The following MRE11 variants were observed in gnomAD, a reference collection of about 807,000 sequenced individuals.
MRE11 encodes the protein double-strand break repair protein MRE11.
MRE11 carries 62 observed loss-of-function variants against 91.7 expected under a neutral mutation model. The observed-to-expected ratio is 0.68, with a 90% CI of 0.55 to 0.84. The LOEUF (loss-of-function observed/expected upper bound fraction) is 0.84. Ranked by LOEUF, MRE11 falls within the 40% of genes least tolerant of loss-of-function variation. MRE11 has a pLI of 0.00. For synonymous variants in MRE11, 273 were observed against 271.4 expected (o/e 1.01, Z -0.06); for missense variants, 796 against 852.9 (o/e 0.93, Z 0.83).
In MRE11 at chr11:94,470,653, G is replaced by A. The variant is rs368089798; in HGVS notation, c.846-11C>T. The A allele has an allele frequency of 1.2e-6, 2 of 1,612,408 alleles. No individual in the cohort carries two copies. Among genetic ancestry groups the A allele is most frequent in the African/African-American group, 2.7e-5 (2 of 74,818 alleles). On this transcript the variant is annotated splice_polypyrimidine_tract_variant and intron_variant, in intron 8 of 19. Coordinates refer to ENST00000323929, the MANE Select transcript of MRE11 (RefSeq NM_005591.4). Reference sequence around the variant, plus strand: ...AGCAAACCAACATGTCTGAAGTGGAGAGAAATGAACACCGAGTCACAGTGT... The same window carrying A: ...AGCAAACCAACATGTCTGAAGTGGAAAGAAATGAACACCGAGTCACAGTGT...
chr11:94,441,977 C>CAAAAAAAA lies in MRE11; in HGVS notation c.1867+3825_1867+3832dup, dbSNP rs35673778. Among the ~76,000 whole-genome samples the CAAAAAAAA allele has an allele frequency of 3.7e-3, 178 of 48,194 alleles. 3 individuals carry two copies. Among genetic ancestry groups the CAAAAAAAA allele is most frequent in the African/African-American group, 5.7e-3 (74 of 12,910 alleles). The allele number at this position is 48,194 out of a possible 152,430, so 31.6% of individuals were successfully genotyped here. On this transcript the variant is annotated intron_variant, in intron 16 of 19. Coordinates refer to ENST00000323929, the MANE Select transcript of MRE11 (RefSeq NM_005591.4). ...TAGGCGACAGAGAGAGACTCTGTCT[C>CAAAAAAAA]AAAAAAAAAAAAAAAAAAAAAAAGT...
At chr11:94,443,971 G>T (rs573225018) in intron 16 of MRE11, among the ~76,000 whole-genome samples, 71 of 137,958 alleles carry the variant, frequency 5.1e-4, no homozygotes, top group African/African-American at 1.9e-3. Context: ...TCAGTGGCAT[G>T]ATCTCGGCTC....
chr11:94,460,585 C>CA (rs1946389037), intron 12 of MRE11, among the ~76,000 whole-genome samples: 1 of 152,172 alleles, frequency 6.6e-6, no homozygotes, highest in Admixed American at 6.5e-5. Context: ...GCAGCAACTA[C>CA]AAATGAATGT....
At position 94,419,549 on chromosome 11, in the gene MRE11, A is replaced by C. The variant is rs971585321; in HGVS notation, c.*576T>G. On this transcript the variant is annotated 3_prime_UTR_variant, in exon 20 of 20. Transcript: ENST00000323929. ...GAAATTACTACCACTTAATGGGAAC[A>C]CAATCTTTTGAAATCTTTGCTACAA... 2.1e-5 allele frequency: 5 copies of C among 232,940 alleles called. No homozygotes were observed. Among genetic ancestry groups the C allele is most frequent in the Non-Finnish European group, 3.4e-5 (4 of 118,132 alleles). The allele number at this position is 232,940 out of a possible 1,614,324, so 14.4% of individuals were successfully genotyped here.
chr11:94,463,114 G>C (rs934835981), intron 11 of MRE11, among the ~76,000 whole-genome samples: 2 of 152,168 alleles, frequency 1.3e-5, no homozygotes, highest in Admixed American at 6.5e-5. Flanking sequence ...TCAAAAAGTG[G>C]GTGAAGGATA....
At chr11:94,435,687 G>A (rs1009152745) in intron 18 of MRE11, 145 bp downstream of exon 18, 3 of 685,220 alleles carry the variant, frequency 4.4e-6, no homozygotes, top group African/African-American at 1.8e-5. Flanking sequence ...CTAGCCCTTG[G>A]TCTGTTTTCA....
rs1591620971 is a variant in MRE11, at chr11:94,420,093, A to G, written c.*32T>C. 6.7e-7 allele frequency: 1 copy of G among 1,497,056 alleles called. No homozygotes were observed. Among genetic ancestry groups the G allele is most frequent in the Non-Finnish European group, 9.3e-7 (1 of 1,079,470 alleles). The allele number at this position is 1,497,056 out of a possible 1,614,324, so 92.7% of individuals were successfully genotyped here. A position where few individuals can be genotyped will look rare whatever the true frequency, so the allele number is the denominator to read the frequency against. The stretch of plus-strand genomic sequence containing the variant: ...CTTGTAACATTTTCATTTTTCCTGT[A>G]TCTTGCATGTTTCTCAGTGCCATTA... On this transcript the variant is annotated 3_prime_UTR_variant, in exon 20 of 20. Coordinates refer to ENST00000323929, the MANE Select transcript of MRE11 (RefSeq NM_005591.4).
intron 3 of MRE11, among the ~76,000 whole-genome samples, chr11:94,487,736 C>T (rs1565240086): frequency 3.3e-5 from 5 of 152,096 alleles, no homozygotes; most frequent in African/African-American, 1.2e-4. Flanking sequence ...GGAAAAAAAT[C>T]GTGTGTATTT....
At chr11:94,476,235 C>T in intron 7 of MRE11, 54 bp downstream of exon 7, 1 of 1,140,066 alleles carries the variant, frequency 8.8e-7, no homozygotes, top group Non-Finnish European at 1.3e-6. Flanking sequence ...AGCTCAGAAA[C>T]AGATTTGGGA....
chr11:94,493,266 G>A (rs1947340893), intron 1 of MRE11, among the ~76,000 whole-genome samples: 2 of 152,096 alleles, frequency 1.3e-5, no homozygotes, highest in African/African-American at 4.8e-5. Flanking sequence ...GCACGCATAG[G>A]TTACTCTGGA....
upstream of MRE11, chr11:94,497,582 T>C (rs1947433392): frequency 6.4e-6 from 1 of 156,398 alleles, no homozygotes; most frequent in Non-Finnish European, 1.4e-5. Context: ...TCTAAGGTTG[T>C]ATTGAGAAGG....
intron 16 of MRE11, among the ~76,000 whole-genome samples, chr11:94,443,719 T>C (rs1945848776): frequency 6.6e-6 from 1 of 152,142 alleles, no homozygotes; most frequent in South Asian, 2.1e-4. Context: ...TGCATGTGAG[T>C]ACTTATTTAA....
upstream of MRE11, chr11:94,498,352 T>C: frequency 1.2e-6 from 2 of 1,613,596 alleles, no homozygotes; most frequent in Non-Finnish European, 1.7e-6. Context: ...CCTTGCATCT[T>C]GCTGCTGGGA....
chr11:94,424,875 T>G (rs1162444186), intron 19 of MRE11, among the ~76,000 whole-genome samples: 1 of 151,900 alleles, frequency 6.6e-6, no homozygotes, highest in Non-Finnish European at 1.5e-5. Flanking sequence ...AACCTATGAC[T>G]CATTGGCATT....
At chr11:94,474,834 A>G (rs1426183593) in intron 7 of MRE11, among the ~76,000 whole-genome samples, 1 of 152,146 alleles carries the variant, frequency 6.6e-6, no homozygotes, top group African/African-American at 2.4e-5. Flanking sequence ...TCTTAGAATT[A>G]CTTATGAGTT....
intron 11 of MRE11, 151 bp from the exon 12 acceptor site, chr11:94,461,187 T>G: frequency 1.6e-6 from 1 of 643,244 alleles, no homozygotes; most frequent in East Asian, 2.7e-5. Flanking sequence ...AACAAGCCAT[T>G]TTTGTTAATA....
At position 94,471,601 on chromosome 11, in the gene MRE11, G is replaced by A. The variant is rs143400546; in HGVS notation, c.818C>T (p.Ser273Phe). Reference sequence around the variant, plus strand: ...CTTTACAGCTTCTCCTGGGGAAAGAGAAGTAACCACTGAGCTTCCAGGTTG... The same window carrying A: ...CTTTACAGCTTCTCCTGGGGAAAGAAAAGTAACCACTGAGCTTCCAGGTTG... The part of the protein sequence containing the change: ...ISQPGSSVVT[S>F]LSPGEAVKKH... Residue 273 changes from serine (S) to phenylalanine (F), a missense_variant, in exon 8 of 20, where the codon TCT (serine) becomes TTT (phenylalanine). Ser to Phe is a radical substitution (Grantham distance 155, BLOSUM62 -2). Coordinates refer to ENST00000323929, the MANE Select transcript of MRE11 (RefSeq NM_005591.4). The A allele has an allele frequency of 6.2e-7, 1 of 1,612,644 alleles. No homozygotes were observed. Among genetic ancestry groups the A allele is most frequent in the Admixed American group, 1.7e-5 (1 of 59,940 alleles).
chr11:94,466,431 G>A (rs181003568), intron 10 of MRE11: 203 of 514,088 alleles, frequency 3.9e-4, no homozygotes, highest in African/African-American at 3.7e-3. Context: ...ATAAAGAAAC[G>A]GGAACAGATT....
intron 19 of MRE11, among the ~76,000 whole-genome samples, chr11:94,420,451 T>C (rs985078791): frequency 2.0e-5 from 3 of 152,200 alleles, no homozygotes; most frequent in African/African-American, 7.2e-5. Context: ...ATAAATGAAG[T>C]ATAGGTAAGC....
Sources: gnomAD v4.1 joint callset for allele counts (sites outside exome capture counted in the v4.1 genomes callset) on GRCh38, gnomAD v4.1.1 for gene constraint, MANE v1.5 for transcripts, NCBI Gene and HGNC (gene_info 2026-07-23, HGNC 2026-07-21) for gene names.